Variants in PAK1 observed in about 807,000 individuals in gnomAD.
The protein encoded by PAK1 is p21 (RAC1) activated kinase 1, also known as serine/threonine-protein kinase PAK 1.
Under a neutral mutation model 67.4 loss-of-function variants are expected in PAK1, and 29 were observed. The ratio of observed to expected loss-of-function variants is 0.43; its 90% CI spans 0.32 to 0.59. The LOEUF (loss-of-function observed/expected upper bound fraction) is 0.59, where lower values mean the gene tolerates loss of function less well. PAK1 is among the 20% of genes least tolerant of loss of function. The pLI, the probability that PAK1 is intolerant of heterozygous loss-of-function variation, is 0.07. For synonymous variants in PAK1, 223 were observed against 237.4 expected (o/e 0.94, Z 0.56); for missense variants, 337 against 670.7 (o/e 0.50, Z 5.50).
chr11:77,329,859 T>C (rs145470694), intron 14 of PAK1, among the ~76,000 whole-genome samples: 2,190 of 152,318 alleles, frequency 0.014, 47 homozygotes, highest in African/African-American at 0.05. Flanking sequence ...TGTTTGCAGA[T>C]GACATGATTG....
chr11:77,463,482 CCA>C (rs1421235639), intron 1 of PAK1, among the ~76,000 whole-genome samples: 1 of 152,146 alleles, frequency 6.6e-6, no homozygotes, highest in Non-Finnish European at 1.5e-5. Flanking sequence ...TTGAGAGGGT[CCA>C]CCTACCACAG....
intron 1 of PAK1, among the ~76,000 whole-genome samples, chr11:77,436,186 T>G (rs779744464): frequency 5.0e-4 from 76 of 152,202 alleles, no homozygotes; most frequent in Middle Eastern, 6.8e-3. Context: ...GAGAGTAAGG[T>G]TTCCCTGTTT....
intron 5 of PAK1, among the ~76,000 whole-genome samples, chr11:77,372,471 T>C (rs1948568896): frequency 6.6e-6 from 1 of 152,228 alleles, no homozygotes. Flanking sequence ...TGCAAGGCAC[T>C]GAACGTGTGA....
intron 11 of PAK1, 102 bp from the exon 12 acceptor site, chr11:77,337,525 A>T: frequency 1.8e-6 from 1 of 550,052 alleles, no homozygotes; most frequent in Non-Finnish European, 3.2e-6. Context: ...TTTAAAATAA[A>T]GGAAGTAAGG....
intron 1 of PAK1, among the ~76,000 whole-genome samples, chr11:77,437,452 T>A (rs1374436252): frequency 6.6e-6 from 1 of 152,212 alleles, no homozygotes. Context: ...TAAATAAGAT[T>A]ATAATAATAT....
upstream of PAK1, chr11:77,475,350 TTCAAAC>T (rs1958044395): frequency 6.6e-6 from 1 of 152,362 alleles, no homozygotes; most frequent in East Asian, 1.9e-4. Context: ...CTTTAGTCTC[TTCAAAC>T]TCAATCTATT....
At chr11:77,433,693 C>A (rs886266225) in intron 1 of PAK1, among the ~76,000 whole-genome samples, 3 of 152,128 alleles carry the variant, frequency 2.0e-5, no homozygotes, top group African/African-American at 4.8e-5. Flanking sequence ...GCAGGAGAAT[C>A]GCTTGAACAC....
chr11:77,489,540 A>G, the PAK1 span, among the ~76,000 whole-genome samples: 3 of 151,150 alleles, frequency 2.0e-5, no homozygotes, highest in Non-Finnish European at 4.4e-5. Flanking sequence ...GCTCACTGCA[A>G]CCTCCCTGCC....
At chr11:77,496,357 G>A in the PAK1 span, among the ~76,000 whole-genome samples, 1 of 152,098 alleles carries the variant, frequency 6.6e-6, no homozygotes, top group Non-Finnish European at 1.5e-5. Flanking sequence ...GGGCAAGGTG[G>A]CTCGATCTTA....
chr11:77,528,040 G>A, the PAK1 span, among the ~76,000 whole-genome samples: 4 of 151,806 alleles, frequency 2.6e-5, no homozygotes, highest in Non-Finnish European at 4.4e-5. Context: ...TTGTAGAGAC[G>A]GAATCTCACT....
the PAK1 span, among the ~76,000 whole-genome samples, chr11:77,490,262 GCCCCGTCT>G: frequency 6.8e-6 from 1 of 146,590 alleles, no homozygotes; most frequent in African/African-American, 2.6e-5. Flanking sequence ...CCGGCCAGCC[GCCCCGTCT>G]CAGAGGGAGG....
rs563081078 is a variant in PAK1 at position 77,349,730 on chromosome 11, C to T, written c.837-443G>A. 1.2e-4 allele frequency among the ~76,000 whole-genome samples: 19 copies of T among 152,106 alleles called. No individual in the cohort carries two copies. In the East Asian group the frequency reaches 1.5e-3, roughly 12 times the overall value. ...CTCCTCTCCTCCATCACCCTTGGCA[C>T]GTGGCTCTAATTTCTTGTGGCTTCA... On this transcript the variant is annotated intron_variant, in intron 8 of 14. Coordinates refer to ENST00000356341, the MANE Select transcript of PAK1 (RefSeq NM_002576.5).
chr11:77,504,613 G>C, the PAK1 span, among the ~76,000 whole-genome samples: 1 of 152,240 alleles, frequency 6.6e-6, no homozygotes, highest in Non-Finnish European at 1.5e-5. Context: ...ACTTGTGTGA[G>C]AATGAGACTG....
chr11:77,486,444 A>C, the PAK1 span, among the ~76,000 whole-genome samples: 20 of 152,198 alleles, frequency 1.3e-4, no homozygotes, highest in African/African-American at 4.6e-4. Context: ...ACAACTATTC[A>C]CACAAAAAAA....
chr11:77,363,337 C>G (rs1164894993), intron 5 of PAK1, among the ~76,000 whole-genome samples: 2 of 152,136 alleles, frequency 1.3e-5, no homozygotes, highest in East Asian at 3.8e-4. Context: ...CATTCTGTCC[C>G]AGTAGGAAGA....
intron 2 of PAK1, among the ~76,000 whole-genome samples, chr11:77,391,404 CTAAA>C (rs1306696290): frequency 6.6e-6 from 1 of 152,170 alleles, no homozygotes; most frequent in African/African-American, 2.4e-5. Flanking sequence ...AAATAGGAAA[CTAAA>C]TAAAGGTCAA....
In PAK1 at chr11:77,358,204, G is replaced by C. The variant is rs528538667; in HGVS notation, c.597+694C>G. Among the ~76,000 whole-genome samples, 10 of 151,778 alleles carry C rather than the reference G, an allele frequency of 6.6e-5. No individual in the cohort carries two copies. The South Asian group carries it at 1.9e-3, about 28-fold the overall frequency. Reference sequence around the variant, plus strand: ...TGCTAGATGGTTCCTTCATTATGGAGCTCTCATCTTAGTAAAAGACCTAAA... The same window carrying C: ...TGCTAGATGGTTCCTTCATTATGGACCTCTCATCTTAGTAAAAGACCTAAA... On this transcript the variant is annotated intron_variant, in intron 6 of 14. Coordinates refer to ENST00000356341, the MANE Select transcript of PAK1 (RefSeq NM_002576.5).
chr11:77,367,635 C>T (rs905307578), intron 5 of PAK1, among the ~76,000 whole-genome samples: 1 of 152,082 alleles, frequency 6.6e-6, no homozygotes, highest in African/African-American at 2.4e-5. Flanking sequence ...AAAACCAACG[C>T]AAGGAAAAGA....
rs149914977 is a variant in PAK1 at position 77,472,566 on chromosome 11, G to A, written c.-22+986C>T. Among the ~76,000 whole-genome samples, 205 of 152,314 alleles carry A rather than the reference G, an allele frequency of 1.3e-3. 1 individual carries two copies. Among genetic ancestry groups the A allele is most frequent in the African/African-American group, 3.2e-3 (135 of 41,570 alleles). ...ACTTCTGGAGCTTTTAAGGCTGGAAGTGACCTGCTCAAGGTCACACAAGAA... is the reference window on the plus strand; with the variant it reads ...ACTTCTGGAGCTTTTAAGGCTGGAAATGACCTGCTCAAGGTCACACAAGAA... On this transcript the variant is annotated intron_variant, in intron 1 of 14. Coordinates refer to ENST00000356341, the MANE Select transcript of PAK1 (RefSeq NM_002576.5).
Sources: gnomAD v4.1 joint callset for allele counts (sites outside exome capture counted in the v4.1 genomes callset) on GRCh38, gnomAD v4.1.1 for gene constraint, MANE v1.5 for transcripts, NCBI Gene and HGNC (gene_info 2026-07-23, HGNC 2026-07-21) for gene names.